GALNT18: variants seen among roughly 807,000 people sequenced by gnomAD.
The protein encoded by GALNT18 is polypeptide N-acetylgalactosaminyltransferase 18.
Under a neutral mutation model 69.5 loss-of-function variants are expected in GALNT18, and 44 were observed. That is an observed-to-expected ratio of 0.63 (90% CI 0.50 to 0.81). The LOEUF (loss-of-function observed/expected upper bound fraction) is 0.81, where lower values mean the gene tolerates loss of function less well. GALNT18 is among the 40% of genes least tolerant of loss of function. The probability of loss-of-function intolerance (pLI) is 0.00; values close to 1 mark genes in which losing one functional copy is unlikely to be tolerated. For missense variants in GALNT18, 715 were observed against 810.0 expected (o/e 0.88, Z 1.42); for synonymous variants, 364 against 318.2 (o/e 1.14, Z -1.53).
chr11:11,424,420 C>T (rs1855080615), intron 3 of GALNT18, among the ~76,000 whole-genome samples: 1 of 152,330 alleles, frequency 6.6e-6, no homozygotes, highest in East Asian at 1.9e-4. Context: ...TGGCCTTGAG[C>T]CTGTCCCTTT....
chr11:11,337,961 ATTTTT>A lies in GALNT18; in HGVS notation c.1278+2853_1278+2857del, dbSNP rs11351706. ...TGTACATAGCAGGAGTCATTTAAAG[ATTTTT>A]TTTTTTTTTTTTTTTTTGAGACAGT... On this transcript the variant is annotated intron_variant, in intron 7 of 10. Transcript: ENST00000227756. The surrounding 1 kb of genome is among the most constrained non-coding windows in gnomAD (Gnocchi z 4.9). Among the ~76,000 whole-genome samples the A allele has an allele frequency of 8.4e-6, 1 of 118,818 alleles. No homozygotes were observed. The highest frequency in any genetic ancestry group is 1.7e-5 in the Non-Finnish European group (1 of 58,632). The allele number at this position is 118,818 out of a possible 152,430, so 77.9% of individuals were successfully genotyped here.
intron 3 of GALNT18, among the ~76,000 whole-genome samples, chr11:11,395,678 G>A (rs977364067): frequency 1.5e-4 from 23 of 152,260 alleles, no homozygotes; most frequent in African/African-American, 5.1e-4. Context: ...CCTGCAGAGC[G>A]GAGGTAATGA....
At chr11:11,437,974 A>G (rs1855447705) in intron 2 of GALNT18, among the ~76,000 whole-genome samples, 1 of 152,102 alleles carries the variant, frequency 6.6e-6, no homozygotes, top group South Asian at 2.1e-4. Flanking sequence ...CTTTCTCCCC[A>G]GGCTTTTCCT....
rs1246261869 is a variant in GALNT18 at position 11,463,910 on chromosome 11, A to AAAAACCGACGG, written c.236-14975_236-14974insCCGTCGGTTTT. On this transcript the variant is annotated intron_variant, in intron 1 of 10. Transcript: ENST00000227756. The surrounding 1 kb of genome is among the most constrained non-coding windows in gnomAD (Gnocchi z 4.2). Reference sequence around the variant, plus strand: ...GTGTGCAAAAACCGTCATGCTCATGATTTTGAAAGGGGGAAAAATTAGTCC... The same window carrying AAAAACCGACGG: ...GTGTGCAAAAACCGTCATGCTCATGAAAAACCGACGGTTTTGAAAGGGGGAAAAATTAGTCC... 2.6e-5 allele frequency among the ~76,000 whole-genome samples: 4 copies of AAAAACCGACGG among 152,166 alleles called. No individual in the cohort carries two copies. In the South Asian group the frequency reaches 8.3e-4, roughly 32 times the overall value.
At chr11:11,428,041 T>A (rs1447676362) in intron 3 of GALNT18, among the ~76,000 whole-genome samples, 1 of 152,240 alleles carries the variant, frequency 6.6e-6, no homozygotes, top group Non-Finnish European at 1.5e-5. Flanking sequence ...TGGCAGGGAC[T>A]AGGTCTGATC....
intron 3 of GALNT18, among the ~76,000 whole-genome samples, chr11:11,410,780 G>A (rs927813198): frequency 7.9e-5 from 12 of 152,222 alleles, no homozygotes; most frequent in African/African-American, 2.4e-4. Flanking sequence ...GTCTTACTGC[G>A]TCTCCAGAAA....
At chr11:11,294,847 C>T (rs554153626) in intron 9 of GALNT18, among the ~76,000 whole-genome samples, 1 of 152,272 alleles carries the variant, frequency 6.6e-6, no homozygotes, top group South Asian at 2.1e-4. Context: ...AAGGCATTAA[C>T]ATGCTGCTAC....
In GALNT18 at chr11:11,270,927, C is replaced by CGAAAA; in HGVS notation, c.*216_*217insTTTTC. 1 of 446,876 alleles carries CGAAAA rather than the reference C, an allele frequency of 2.2e-6. No individual in the cohort carries two copies. The highest frequency in any genetic ancestry group is 4.0e-6 in the Non-Finnish European group (1 of 250,420). 27.7% of individuals were successfully genotyped at this position (446,876 alleles called of 1,614,324 possible). A position where few individuals can be genotyped will look rare whatever the true frequency, so the allele number is the denominator to read the frequency against. Reference sequence around the variant, plus strand: ...GTTATAAATATTTTCCATCTGTCCCCTATTTACAACTGCAAAATAGTTTGA... The same window carrying CGAAAA: ...GTTATAAATATTTTCCATCTGTCCCCGAAAATATTTACAACTGCAAAATAGTTTGA... On this transcript the variant is annotated 3_prime_UTR_variant, in exon 11 of 11. Coordinates refer to ENST00000227756, the MANE Select transcript of GALNT18 (RefSeq NM_198516.3).
intron 1 of GALNT18, among the ~76,000 whole-genome samples, chr11:11,548,718 T>C (rs1858123486): frequency 6.6e-6 from 1 of 152,254 alleles, no homozygotes; most frequent in Non-Finnish European, 1.5e-5. Context: ...TTTATCACTT[T>C]TCCCAGCTTG....
intron 1 of GALNT18, among the ~76,000 whole-genome samples, chr11:11,501,731 A>G (rs930316971): frequency 6.6e-6 from 1 of 152,206 alleles, no homozygotes; most frequent in African/African-American, 2.4e-5. Flanking sequence ...CATATCAGCC[A>G]TCATAATTTT....
intron 10 of GALNT18, among the ~76,000 whole-genome samples, chr11:11,291,068 C>T (rs76090990): frequency 5.3e-5 from 8 of 152,322 alleles, no homozygotes; most frequent in African/African-American, 1.9e-4. Flanking sequence ...TGCCTCTCAA[C>T]TTGAAGGAGG....
At chr11:11,274,773 T>G (rs932314829) in intron 10 of GALNT18, among the ~76,000 whole-genome samples, 1 of 152,218 alleles carries the variant, frequency 6.6e-6, no homozygotes, top group Non-Finnish European at 1.5e-5. Flanking sequence ...ATTGTCCAAC[T>G]CCCACTTATG....
chr11:11,353,410 T>A, intron 6 of GALNT18: 1 of 526,740 alleles, frequency 1.9e-6, no homozygotes, highest in Non-Finnish European at 3.4e-6. Flanking sequence ...TCAGAGCCCT[T>A]TTTGGGGGTT....
At chr11:11,277,257 G>A (rs1564875256) in intron 10 of GALNT18, among the ~76,000 whole-genome samples, 1 of 152,088 alleles carries the variant, frequency 6.6e-6, no homozygotes, top group African/African-American at 2.4e-5. Flanking sequence ...TATGTGTCCA[G>A]GAATTTATCC....
intron 6 of GALNT18, among the ~76,000 whole-genome samples, chr11:11,353,677 C>A (rs1175569785): frequency 1.3e-5 from 2 of 152,166 alleles, no homozygotes; most frequent in East Asian, 3.8e-4. Context: ...CAGTCAGATT[C>A]AAATTGGCCG....
chr11:11,340,028 C>G lies in GALNT18; in HGVS notation c.1278+791G>C, dbSNP rs934437487. Among the ~76,000 whole-genome samples, 4 of 152,166 alleles carry G rather than the reference C, an allele frequency of 2.6e-5. No homozygotes were observed. Among genetic ancestry groups the G allele is most frequent in the African/African-American group, 9.7e-5 (4 of 41,422 alleles). On this transcript the variant is annotated intron_variant, in intron 7 of 10. Coordinates refer to ENST00000227756, the MANE Select transcript of GALNT18 (RefSeq NM_198516.3). The surrounding 1 kb of genome is among the most constrained non-coding windows in gnomAD (Gnocchi z 4.2). ...ATAGCTCTGATAGCTCTGTCTCACACAGAATGCAACATAAGCAATGAACTC... is the reference window on the plus strand; with the variant it reads ...ATAGCTCTGATAGCTCTGTCTCACAGAGAATGCAACATAAGCAATGAACTC...
intron 1 of GALNT18, among the ~76,000 whole-genome samples, chr11:11,485,645 C>T (rs1245011886): frequency 6.6e-6 from 1 of 152,156 alleles, no homozygotes; most frequent in Non-Finnish European, 1.5e-5. Context: ...TACAAACACA[C>T]ACATACACAT....
In GALNT18 at chr11:11,532,605, A is replaced by G. The variant is rs11021908; in HGVS notation, c.236-83669T>C. Among the ~76,000 whole-genome samples, 83 of 152,390 alleles carry G rather than the reference A, an allele frequency of 5.4e-4. 1 individual carries two copies. The East Asian group carries it at 0.014, about 26-fold the overall frequency. ...AAGACAAAGCTCACCAGTCATGAAG[A>G]GAGCCAAGCTGGTCAATGCCTGTGC... On this transcript the variant is annotated intron_variant, in intron 1 of 10. Coordinates refer to ENST00000227756, the MANE Select transcript of GALNT18 (RefSeq NM_198516.3).
Position 11,448,818 on chromosome 11 carries a change from C to G in GALNT18, c.354G>C (p.Gln118His). ...EGRRVALKQF[Q>H]YYGYNAYLSD... ...TGAGGTAGGCGTTGTAGCCGTAGTA[C>G]TGGAATTGCTTCAGGGCCACGCGCC... Residue 118 changes from glutamine to histidine, a missense_variant, in exon 2 of 11, where the codon CAG becomes CAC. Transcript: ENST00000227756. 1 of 1,613,510 alleles carries G rather than the reference C, an allele frequency of 6.2e-7. No individual in the cohort carries two copies. The highest frequency in any genetic ancestry group is 8.5e-7 in the Non-Finnish European group (1 of 1,179,872).
Sources: gnomAD v4.1 joint callset for allele counts (sites outside exome capture counted in the v4.1 genomes callset) on GRCh38, gnomAD v4.1.1 for gene constraint, Gnocchi (gnomAD v3.1) non-coding constraint, MANE v1.5 for transcripts, NCBI Gene and HGNC (gene_info 2026-07-23, HGNC 2026-07-21) for gene names.